The following MACROD2 variants were observed in gnomAD, a reference collection of about 807,000 sequenced individuals.
MACROD2 encodes mono-ADP ribosylhydrolase 2.
MACROD2 carries 36 observed loss-of-function variants against 70.4 expected under a neutral mutation model. That is an observed-to-expected ratio of 0.51 (90% CI 0.39 to 0.68). The LOEUF is 0.68. MACROD2 is among the 30% of genes least tolerant of loss of function. The pLI, the probability that MACROD2 is intolerant of heterozygous loss-of-function variation, is 0.00. For synonymous variants in MACROD2, 172 were observed against 178.8 expected, an observed-to-expected ratio of 0.96 and a Z score of 0.30; for missense variants, 496 against 538.4, an observed-to-expected ratio of 0.92 and a Z score of 0.78.
chr20:15,661,605 A>C (rs1175421464), intron 8 of MACROD2, among the ~76,000 whole-genome samples: 1 of 152,164 alleles, frequency 6.6e-6, no homozygotes, highest in Non-Finnish European at 1.5e-5. Context: ...ACACTGCGGT[A>C]CTGGGGGTAA....
At chr20:15,356,411 G>C (rs951891662) in intron 6 of MACROD2, among the ~76,000 whole-genome samples, 5 of 152,128 alleles carry the variant, frequency 3.3e-5, no homozygotes, top group African/African-American at 1.2e-4. Flanking sequence ...AATCTCTCCA[G>C]TATAAAAGTT....
At chr20:15,398,209 CT>C (rs754042540) in intron 6 of MACROD2, among the ~76,000 whole-genome samples, 3 of 152,166 alleles carry the variant, frequency 2.0e-5, no homozygotes, top group Non-Finnish European at 2.9e-5. Context: ...TTCCTATCTA[CT>C]TTTTGATTTA....
At chr20:14,688,833 G>A (rs1217395971) in intron 5 of MACROD2, among the ~76,000 whole-genome samples, 1 of 152,114 alleles carries the variant, frequency 6.6e-6, no homozygotes, top group Non-Finnish European at 1.5e-5. Context: ...CTAAATATGT[G>A]CTGAATTAAT....
intron 3 of MACROD2, among the ~76,000 whole-genome samples, chr20:14,456,713 C>CT (rs10696382): frequency 0.29 from 28,937 of 101,028 alleles, 6,208 homozygotes; most frequent in Middle Eastern, 0.36. Context: ...GACTCAGGAT[C>CT]TTTTTTTTTT....
intron 5 of MACROD2, among the ~76,000 whole-genome samples, chr20:14,921,658 A>G (rs2074165335): frequency 6.6e-6 from 1 of 152,198 alleles, no homozygotes; most frequent in Admixed American, 6.5e-5. Context: ...CATAAATAGC[A>G]TATCCAGAAT....
At position 15,594,505 on chromosome 20, in the gene MACROD2, G is replaced by A. The variant is rs116884330; in HGVS notation, c.645+94658G>A. ...CTGCCCTCCAGAAAGGCTGCACCAA[G>A]CCTCACTCCCATTCATAACATGTGC... is the stretch of plus-strand genomic sequence containing the variant. On this transcript the variant is annotated intron_variant, in intron 8 of 17. Transcript: ENST00000684519. Among the ~76,000 whole-genome samples, 1,294 of 152,270 alleles carry A rather than the reference G, an allele frequency of 8.5e-3. 7 individuals carry two copies. The highest frequency in any genetic ancestry group is 0.013 in the Non-Finnish European group (866 of 68,030).
chr20:15,048,906 A>G (rs2075417277), intron 5 of MACROD2, among the ~76,000 whole-genome samples: 1 of 152,066 alleles, frequency 6.6e-6, no homozygotes, highest in Non-Finnish European at 1.5e-5. Context: ...CTGTCACTTA[A>G]CAGTATATTT....
chr20:15,665,578 G>A (rs1047479793), intron 8 of MACROD2, among the ~76,000 whole-genome samples: 1 of 152,144 alleles, frequency 6.6e-6, no homozygotes, highest in African/African-American at 2.4e-5. Context: ...CACTCCATCT[G>A]CAGAGGATGG....
chr20:14,231,137 T>C (rs1460950940), intron 3 of MACROD2, among the ~76,000 whole-genome samples: 1 of 151,708 alleles, frequency 6.6e-6, no homozygotes, highest in Non-Finnish European at 1.5e-5. Flanking sequence ...TCTTTTTTTT[T>C]CTTTTTTTTT....
At chr20:15,250,891 T>C (rs1312007131) in intron 6 of MACROD2, among the ~76,000 whole-genome samples, 3 of 152,208 alleles carry the variant, frequency 2.0e-5, no homozygotes, top group Non-Finnish European at 4.4e-5. Context: ...TTGCCTAACA[T>C]GTAGCAGGCA....
chr20:15,439,367 G>T (rs2046466543), intron 7 of MACROD2, among the ~76,000 whole-genome samples: 1 of 152,160 alleles, frequency 6.6e-6, no homozygotes, highest in South Asian at 2.1e-4. Flanking sequence ...CCTTTCAAAT[G>T]GATTTTGTTA....
intron 8 of MACROD2, among the ~76,000 whole-genome samples, chr20:15,508,896 G>C (rs1441406467): frequency 6.6e-6 from 1 of 152,138 alleles, no homozygotes; most frequent in Non-Finnish European, 1.5e-5. Flanking sequence ...CATTCTGTTG[G>C]CTCAAGTGAA....
chr20:15,842,468 C>CT (rs3071404), intron 8 of MACROD2, among the ~76,000 whole-genome samples: 2,044 of 137,358 alleles, frequency 0.015, 40 homozygotes, highest in East Asian at 0.081. Flanking sequence ...TTTTTTTCAT[C>CT]TTTTTTTTTT....
At chr20:15,751,970 G>A (rs1422882405) in intron 8 of MACROD2, among the ~76,000 whole-genome samples, 1 of 151,742 alleles carries the variant, frequency 6.6e-6, no homozygotes, top group African/African-American at 2.4e-5. Flanking sequence ...CTCTGTAATA[G>A]AAAAGCTGAA....
chr20:14,474,770 T>G (rs1441039137), intron 3 of MACROD2, among the ~76,000 whole-genome samples: 2 of 152,134 alleles, frequency 1.3e-5, no homozygotes, highest in Non-Finnish European at 2.9e-5. Flanking sequence ...CTATTTTATC[T>G]GCAATGAATG....
At chr20:14,180,441 A>G (rs1429492320) in intron 3 of MACROD2, among the ~76,000 whole-genome samples, 2 of 152,130 alleles carry the variant, frequency 1.3e-5, no homozygotes, top group African/African-American at 4.8e-5. Context: ...GTTAAACTAG[A>G]ATAGTATATT....
chr20:14,728,462 C>T (rs922198011), intron 5 of MACROD2, among the ~76,000 whole-genome samples: 3 of 152,156 alleles, frequency 2.0e-5, no homozygotes, highest in African/African-American at 7.2e-5. Flanking sequence ...ATGTTAAAGA[C>T]TGAATACCTG....
In MACROD2 at chr20:15,141,381, CATATAG is replaced by C. The variant is rs550859888; in HGVS notation, c.419-88553_419-88548del. Reference sequence around the variant, plus strand: ...ATGCATTCAGGTACTCGCATACATACATATAGATATACACGTGTTTGCATAAGGAGT... The same window carrying C: ...ATGCATTCAGGTACTCGCATACATACATATACACGTGTTTGCATAAGGAGT... On this transcript the variant is annotated intron_variant, in intron 5 of 17. Coordinates refer to ENST00000684519, the MANE Select transcript of MACROD2 (RefSeq NM_001351661.2). Among the ~76,000 whole-genome samples, 400 of 152,012 alleles carry C rather than the reference CATATAG, an allele frequency of 2.6e-3. 3 individuals are homozygous for C. Among genetic ancestry groups the C allele is most frequent in the African/African-American group, 9.1e-3 (376 of 41,460 alleles).
At position 15,612,320 on chromosome 20, in the gene MACROD2, A is replaced by G. The variant is rs181824254; in HGVS notation, c.645+112473A>G. On this transcript the variant is annotated intron_variant, in intron 8 of 17. Coordinates refer to ENST00000684519, the MANE Select transcript of MACROD2 (RefSeq NM_001351661.2). Reference sequence around the variant, plus strand: ...CTGGTTAGAAAAATGTTCTAATCTAATTGTCTGCCTCTATTGCGTCGACTC... The same window carrying G: ...CTGGTTAGAAAAATGTTCTAATCTAGTTGTCTGCCTCTATTGCGTCGACTC... 3.7e-4 allele frequency among the ~76,000 whole-genome samples: 57 copies of G among 152,208 alleles called. 1 individual carries two copies. The East Asian group carries it at 6.0e-3, about 16-fold the overall frequency.
Sources: allele counts gnomAD v4.1 joint callset (sites outside exome capture counted in the v4.1 genomes callset), GRCh38; gene constraint gnomAD v4.1.1; transcripts MANE v1.5; gene names NCBI Gene and HGNC (gene_info 2026-07-23, HGNC 2026-07-21).